The following RTTN variants were observed in gnomAD, a reference collection of about 807,000 sequenced individuals.
The protein encoded by RTTN is rotatin.
A neutral mutation model predicts 269.2 loss-of-function variants in RTTN; 182 were observed. That is an observed-to-expected ratio of 0.68 (90% CI 0.60 to 0.76). The LOEUF (loss-of-function observed/expected upper bound fraction) is 0.76. Among genes scored for constraint, RTTN ranks in the 30% least tolerant of loss-of-function variants. RTTN has a pLI of 0.00. For missense variants in RTTN, 2,545 were observed against 2,608.6 expected, an observed-to-expected ratio of 0.98 and a Z score of 0.53; for synonymous variants, 1,006 against 963.5, an observed-to-expected ratio of 1.04 and a Z score of -0.82.
chr18:70,056,828 C>T (rs1250951302), intron 37 of RTTN, among the ~76,000 whole-genome samples: 1 of 152,220 alleles, frequency 6.6e-6, no homozygotes, highest in Non-Finnish European at 1.5e-5. Context: ...TTTAGTTTTT[C>T]TTCTGAGATG....
intron 40 of RTTN, among the ~76,000 whole-genome samples, chr18:70,033,179 G>A (rs970670414): frequency 2.0e-5 from 3 of 152,202 alleles, no homozygotes; most frequent in African/African-American, 7.2e-5. Context: ...CCCACCATGT[G>A]AGATGCCTCG....
At chr18:70,196,438 G>T in intron 7 of RTTN, 63 bp downstream of exon 7, 1 of 1,440,036 alleles carries the variant, frequency 6.9e-7, no homozygotes, top group Non-Finnish European at 9.5e-7. Flanking sequence ...TAACTATAAT[G>T]GAAGGTTCCC....
rs527284319 is a variant in RTTN at position 70,176,942 on chromosome 18, T to C, written c.1306-97A>G. On this transcript the variant is annotated intron_variant, in intron 10 of 48. Transcript: ENST00000640769. Reference sequence around the variant, plus strand: ...AGAACAGTTTAAAATATTATCATTTTCATTAAATAGGAAAACAAATCAAAA... The same window carrying C: ...AGAACAGTTTAAAATATTATCATTTCCATTAAATAGGAAAACAAATCAAAA... 1.2e-3 allele frequency: 1,025 copies of C among 842,802 alleles called. 14 individuals carry two copies. Among genetic ancestry groups the C allele is most frequent in the South Asian group, 9.0e-3 (309 of 34,370 alleles). The allele number at this position is 842,802 out of a possible 1,614,324, so 52.2% of individuals were successfully genotyped here.
At chr18:70,034,653 T>C (rs12608043) in intron 40 of RTTN, among the ~76,000 whole-genome samples, 122,522 of 151,904 alleles carry the variant, frequency 0.81, 53,840 homozygotes, top group East Asian at 1. Flanking sequence ...GATGCCCTCT[T>C]TCACCATTCC....
intron 26 of RTTN, 128 bp downstream of exon 26, chr18:70,121,428 A>AT (rs946730418): frequency 2.7e-6 from 2 of 730,466 alleles, no homozygotes; most frequent in African/African-American, 3.7e-5. Context: ...TGAGCCATTC[A>AT]TTACATGAAG....
intron 23 of RTTN, among the ~76,000 whole-genome samples, chr18:70,132,263 C>G (rs2060016941): frequency 6.6e-6 from 1 of 151,964 alleles, no homozygotes; most frequent in Non-Finnish European, 1.5e-5. Context: ...AAAGTAGACA[C>G]AGGGAAGATC....
At chr18:70,177,714 T>C (rs1012545752) in intron 10 of RTTN, among the ~76,000 whole-genome samples, 12 of 152,040 alleles carry the variant, frequency 7.9e-5, no homozygotes, top group African/African-American at 2.9e-4. Flanking sequence ...AAATCTAATA[T>C]ACCAGAATTT....
At chr18:70,017,768 T>G in intron 45 of RTTN, 94 bp from the exon 46 acceptor site, 1 of 935,296 alleles carries the variant, frequency 1.1e-6, no homozygotes, top group Non-Finnish European at 1.6e-6. Flanking sequence ...TCTGATATAC[T>G]CTCCCTCTAC....
intron 28 of RTTN, among the ~76,000 whole-genome samples, chr18:70,103,670 T>C (rs539817904): frequency 6.6e-6 from 1 of 150,534 alleles, no homozygotes; most frequent in South Asian, 2.1e-4. Flanking sequence ...TTTGTTCAAG[T>C]GTTTATCTGC....
intron 16 of RTTN, among the ~76,000 whole-genome samples, chr18:70,149,394 G>A (rs1041892159): frequency 6.6e-6 from 1 of 151,886 alleles, no homozygotes; most frequent in African/African-American, 2.4e-5. Flanking sequence ...AATGCTACAC[G>A]CATGGAATCT....
intron 37 of RTTN, among the ~76,000 whole-genome samples, chr18:70,054,601 G>A (rs891775319): frequency 1.3e-5 from 2 of 152,194 alleles, no homozygotes; most frequent in Non-Finnish European, 2.9e-5. Context: ...GAGAGGCCAA[G>A]GTGGGCAGAT....
intron 11 of RTTN, among the ~76,000 whole-genome samples, chr18:70,173,011 G>T (rs1238785310): frequency 6.6e-6 from 1 of 152,096 alleles, no homozygotes; most frequent in African/African-American, 2.4e-5. Context: ...CTTATGCCTT[G>T]AAAAATTGTC....
At chr18:70,104,316 T>C (rs1220548573) in intron 28 of RTTN, among the ~76,000 whole-genome samples, 1 of 152,204 alleles carries the variant, frequency 6.6e-6, no homozygotes, top group Non-Finnish European at 1.5e-5. Flanking sequence ...ATGTAGTTCT[T>C]GTGCCATGAT....
intron 21 of RTTN, chr18:70,138,319 C>G (rs2060174249): frequency 6.6e-6 from 1 of 152,014 alleles, no homozygotes. Flanking sequence ...TTTCCTGAAA[C>G]TAAATCCATT....
At chr18:70,189,306 A>G (rs1462563845) in intron 9 of RTTN, among the ~76,000 whole-genome samples, 1 of 152,220 alleles carries the variant, frequency 6.6e-6, no homozygotes, top group Non-Finnish European at 1.5e-5. Flanking sequence ...TCAGGATAAA[A>G]ACATTTTAAA....
chr18:70,204,329 A>C, intron 2 of RTTN, 66 bp from the exon 3 acceptor site: 1 of 1,427,850 alleles, frequency 7.0e-7, no homozygotes, highest in Non-Finnish European at 9.6e-7. Flanking sequence ...ACAGCAATCA[A>C]AACATAAAAT....
At chr18:70,046,188 T>G (rs2057486842) in intron 40 of RTTN, among the ~76,000 whole-genome samples, 1 of 152,082 alleles carries the variant, frequency 6.6e-6, no homozygotes, top group South Asian at 2.1e-4. Flanking sequence ...GGAAATAAAA[T>G]AGCCCTGGCT....
At chr18:70,082,821 G>C (rs2058605387) in intron 32 of RTTN, among the ~76,000 whole-genome samples, 1 of 152,066 alleles carries the variant, frequency 6.6e-6, no homozygotes, top group Non-Finnish European at 1.5e-5. Flanking sequence ...CTCCTGAGTA[G>C]CTAGGGACTA....
intron 17 of RTTN, among the ~76,000 whole-genome samples, chr18:70,146,890 A>G (rs2060408291): frequency 6.6e-6 from 1 of 152,208 alleles, no homozygotes; most frequent in African/African-American, 2.4e-5. Context: ...CTAATAAGTC[A>G]GGCAAACTTT....
Sources: allele counts gnomAD v4.1 joint callset (sites outside exome capture counted in the v4.1 genomes callset), GRCh38; gene constraint gnomAD v4.1.1; transcripts MANE v1.5; gene names NCBI Gene and HGNC (gene_info 2026-07-23, HGNC 2026-07-21).